Variants in SCAPER observed in about 807,000 individuals in gnomAD.
SCAPER encodes the protein S-phase cyclin A associated protein in the ER.
SCAPER carries 98 observed loss-of-function variants against 182.2 expected under a neutral mutation model. The ratio of observed to expected loss-of-function variants is 0.54; its 90% CI spans 0.46 to 0.64. The LOEUF (loss-of-function observed/expected upper bound fraction) is 0.64. Among genes scored for constraint, SCAPER ranks in the 30% least tolerant of loss-of-function variants. The pLI, the probability that SCAPER is intolerant of heterozygous loss-of-function variation, is 0.00. For missense variants in SCAPER, 1,432 were observed against 1,690.0 expected (o/e 0.85, Z 2.68); for synonymous variants, 605 against 564.6 (o/e 1.07, Z -1.01).
chr15:76,615,732 A>G (rs1460391825), intron 22 of SCAPER, among the ~76,000 whole-genome samples: 1 of 151,180 alleles, frequency 6.6e-6, no homozygotes, highest in Non-Finnish European at 1.5e-5. Flanking sequence ...AGGCAGGAGA[A>G]TTACTTGAAC....
intron 15 of SCAPER, among the ~76,000 whole-genome samples, chr15:76,740,905 T>C (rs938019101): frequency 1.3e-5 from 2 of 152,124 alleles, no homozygotes; most frequent in Non-Finnish European, 2.9e-5. Flanking sequence ...AAGATTAGGA[T>C]GATATACGAG....
intron 27 of SCAPER, among the ~76,000 whole-genome samples, chr15:76,397,924 C>T (rs139170806): frequency 9.2e-5 from 14 of 152,216 alleles, no homozygotes; most frequent in Non-Finnish European, 1.8e-4. Context: ...ACGCTATTGC[C>T]GTTACCACAT....
chr15:76,725,150 GTA>G (rs2060504605), intron 17 of SCAPER, among the ~76,000 whole-genome samples: 1 of 151,908 alleles, frequency 6.6e-6, no homozygotes, highest in Admixed American at 6.6e-5. Context: ...ATTTATAATT[GTA>G]TAACAGGATA....
intron 24 of SCAPER, among the ~76,000 whole-genome samples, chr15:76,474,742 T>C (rs1206522529): frequency 1.3e-5 from 2 of 152,204 alleles, no homozygotes; most frequent in Non-Finnish European, 2.9e-5. Flanking sequence ...TCTTAATGAA[T>C]AAGGTATAAA....
chr15:76,570,835 A>T (rs2047385094), intron 23 of SCAPER, among the ~76,000 whole-genome samples: 1 of 152,046 alleles, frequency 6.6e-6, no homozygotes, highest in Non-Finnish European at 1.5e-5. Context: ...AAATCAATCT[A>T]GGACAACTTT....
intron 24 of SCAPER, chr15:76,498,459 G>A (rs1023582184): frequency 7.9e-5 from 12 of 152,144 alleles, no homozygotes; most frequent in African/African-American, 2.4e-4. Context: ...AATAAGTCAC[G>A]GGAGAGCAAT....
intron 27 of SCAPER, among the ~76,000 whole-genome samples, chr15:76,401,327 T>C (rs1439869003): frequency 6.6e-6 from 1 of 152,142 alleles, no homozygotes; most frequent in African/African-American, 2.4e-5. Context: ...ACCCCCCACA[T>C]CATGAAACCC....
At chr15:76,754,902 A>C (rs75169927) in intron 14 of SCAPER, among the ~76,000 whole-genome samples, 2,357 of 152,270 alleles carry the variant, frequency 0.015, 60 homozygotes, top group African/African-American at 0.054. Flanking sequence ...CCCTGTGTAC[A>C]TCATAGAGTT....
chr15:76,388,410 C>T (rs568129576), intron 27 of SCAPER, among the ~76,000 whole-genome samples: 31 of 151,840 alleles, frequency 2.0e-4, no homozygotes, highest in African/African-American at 6.0e-4. Flanking sequence ...GAGCTATCAT[C>T]GCCTCACTGC....
At chr15:76,633,786 GA>G (rs755605974) in intron 21 of SCAPER, among the ~76,000 whole-genome samples, 3 of 152,228 alleles carry the variant, frequency 2.0e-5, no homozygotes, top group Non-Finnish European at 4.4e-5. Context: ...TGCAGCAGGG[GA>G]AAACAGCTGA....
chr15:76,357,080 T>C (rs2041013899), intron 29 of SCAPER, among the ~76,000 whole-genome samples: 1 of 151,844 alleles, frequency 6.6e-6, no homozygotes, highest in Non-Finnish European at 1.5e-5. Context: ...TTTGTGACCC[T>C]AGGCAAATTG....
chr15:76,406,427 A>G (rs1302292615), intron 26 of SCAPER, among the ~76,000 whole-genome samples: 2 of 152,076 alleles, frequency 1.3e-5, no homozygotes, highest in African/African-American at 4.8e-5. Flanking sequence ...GCAGTAAGCC[A>G]AGATCATGCC....
chr15:76,475,705 G>C (rs2050572905), intron 24 of SCAPER, among the ~76,000 whole-genome samples: 1 of 152,294 alleles, frequency 6.6e-6, no homozygotes, highest in East Asian at 1.9e-4. Context: ...AATCAGAGTT[G>C]CTCTGGCTGA....
At position 76,348,580 on chromosome 15, in the gene SCAPER, G is replaced by A. The variant is rs953518281; in HGVS notation, c.*53C>T. On this transcript the variant is annotated 3_prime_UTR_variant, in exon 32 of 32. Coordinates refer to ENST00000563290, the MANE Select transcript of SCAPER (RefSeq NM_020843.4). ...TAAGGAACAATTAGAATGTTTGTTT[G>A]GACAATTTAAAATATTAACAAGGGT... is the stretch of plus-strand genomic sequence containing the variant. The A allele has an allele frequency of 8.2e-7, 1 of 1,223,132 alleles. No homozygotes were observed. Among genetic ancestry groups the A allele is most frequent in the Admixed American group, 2.4e-5 (1 of 41,452 alleles). 75.8% of individuals were successfully genotyped at this position (1,223,132 alleles called of 1,614,324 possible). A position where few individuals can be genotyped will look rare whatever the true frequency, so the allele number is the denominator to read the frequency against.
At chr15:76,394,595 T>G (rs56216512) in intron 27 of SCAPER, among the ~76,000 whole-genome samples, 4 of 152,038 alleles carry the variant, frequency 2.6e-5, no homozygotes, top group Admixed American at 6.5e-5. Context: ...CCTTGCACTT[T>G]CCACCTTCTA....
chr15:76,451,661 AT>A (rs944185006), intron 25 of SCAPER, among the ~76,000 whole-genome samples: 90 of 152,320 alleles, frequency 5.9e-4, no homozygotes, highest in African/African-American at 2.1e-3. Context: ...GAGGCCAACC[AT>A]AAAGAATGCT....
At chr15:76,689,036 G>C (rs923649127) in intron 20 of SCAPER, among the ~76,000 whole-genome samples, 2 of 151,760 alleles carry the variant, frequency 1.3e-5, no homozygotes, top group African/African-American at 4.8e-5. Context: ...TTTTAGTAGA[G>C]ACAGGGTTTC....
At chr15:76,351,133 A>G in intron 31 of SCAPER, 104 bp downstream of exon 31, 3 of 890,004 alleles carry the variant, frequency 3.4e-6, no homozygotes, top group Non-Finnish European at 5.0e-6. Context: ...TTTTTAGGTT[A>G]TGTATAAAAT....
At chr15:76,427,857 T>C (rs1454501966) in intron 26 of SCAPER, among the ~76,000 whole-genome samples, 1 of 150,536 alleles carries the variant, frequency 6.6e-6, no homozygotes, top group Non-Finnish European at 1.5e-5. Context: ...CACTTGAACC[T>C]GGGTAGCAGA....
Sources: gnomAD v4.1 joint callset for allele counts (sites outside exome capture counted in the v4.1 genomes callset) on GRCh38, gnomAD v4.1.1 for gene constraint, MANE v1.5 for transcripts, NCBI Gene and HGNC (gene_info 2026-07-23, HGNC 2026-07-21) for gene names.